The following DHRS4L2 variants were observed in gnomAD, a reference collection of about 807,000 sequenced individuals.
DHRS4L2 encodes the protein dehydrogenase/reductase SDR family member 4-like 2.
A neutral mutation model predicts 23.9 loss-of-function variants in DHRS4L2; 22 were observed. The observed-to-expected ratio is 0.92, with a 90% confidence interval of 0.66 to 1.31. DHRS4L2 has a LOEUF of 1.31. Among genes scored for constraint, DHRS4L2 ranks in the 40% most tolerant of loss-of-function variants. The pLI, the probability that DHRS4L2 is intolerant of heterozygous loss-of-function variation, is 0.00. For missense variants in DHRS4L2, 385 were observed against 303.3 expected, an observed-to-expected ratio of 1.27 and a Z score of -2.00; for synonymous variants, 141 against 123.7, an observed-to-expected ratio of 1.14 and a Z score of -0.93.
chr14:23,976,485 A>G (rs1229228211), intron 1 of DHRS4L2, among the ~76,000 whole-genome samples: 2 of 151,848 alleles, frequency 1.3e-5, no homozygotes, highest in Non-Finnish European at 2.9e-5. Context: ...GAGAAATAGG[A>G]AGGCTTTTAG....
intron 5 of DHRS4L2, 142 bp downstream of exon 5, chr14:24,001,226 C>A (rs1372483164): frequency 1.9e-6 from 3 of 1,579,234 alleles, no homozygotes; most frequent in Middle Eastern, 1.8e-4. Flanking sequence ...CTTGCCTCCA[C>A]AAACCATAAC....
intron 7 of DHRS4L2, among the ~76,000 whole-genome samples, 167 bp from the exon 8 acceptor site, chr14:24,005,719 C>T (rs1362990131): frequency 5.3e-5 from 8 of 152,034 alleles, no homozygotes; most frequent in African/African-American, 1.2e-4. Context: ...TAAATTATAA[C>T]AGCATATCCT....
chr14:24,005,948 A>C lies in DHRS4L2; in HGVS notation c.*85A>C. 6.2e-7 allele frequency: 1 copy of C among 1,611,808 alleles called. No individual in the cohort carries two copies. Among genetic ancestry groups the C allele is most frequent in the South Asian group, 1.1e-5 (1 of 90,722 alleles). On this transcript the variant is annotated 3_prime_UTR_variant, in exon 8 of 8. Transcript: ENST00000335125. The stretch of plus-strand genomic sequence containing the variant: ...TTCCTGTGCTCTGAAGATGCCAGCT[A>C]CATCACTGGGGAAACAGTGGTGGTG...
intron 1 of DHRS4L2, among the ~76,000 whole-genome samples, chr14:23,974,587 A>AATACACACT (rs2033930865): frequency 6.6e-6 from 1 of 151,858 alleles, no homozygotes; most frequent in Non-Finnish European, 1.5e-5. Flanking sequence ...ATCCCACAGA[A>AATACACACT]ATACACACTA....
intron 1 of DHRS4L2, among the ~76,000 whole-genome samples, chr14:23,972,740 C>A (rs776385672): frequency 6.6e-6 from 1 of 151,898 alleles, no homozygotes; most frequent in African/African-American, 2.4e-5. Context: ...CTCTGAATTC[C>A]CTCAGTTTTT....
At chr14:23,976,216 A>T (rs1288885898) in intron 1 of DHRS4L2, among the ~76,000 whole-genome samples, 1 of 151,866 alleles carries the variant, frequency 6.6e-6, no homozygotes, top group African/African-American at 2.4e-5. Context: ...CATCTGACAA[A>T]GGTCTAATAT....
intron 1 of DHRS4L2, among the ~76,000 whole-genome samples, chr14:23,981,086 G>A (rs1305938133): frequency 4.6e-5 from 7 of 151,750 alleles, no homozygotes; most frequent in Admixed American, 3.3e-4. Context: ...ATCTCCTTAA[G>A]CTGATAAGCA....
At chr14:23,972,740 C>T (rs776385672) in intron 1 of DHRS4L2, among the ~76,000 whole-genome samples, 5 of 151,898 alleles carry the variant, frequency 3.3e-5, no homozygotes. Flanking sequence ...CTCTGAATTC[C>T]CTCAGTTTTT....
chr14:23,976,757 T>C (rs1479274935), intron 1 of DHRS4L2, among the ~76,000 whole-genome samples: 5 of 151,870 alleles, frequency 3.3e-5, no homozygotes, highest in Non-Finnish European at 7.4e-5. Context: ...ATGTATACCA[T>C]GGAATACTAT....
intron 3 of DHRS4L2, among the ~76,000 whole-genome samples, chr14:24,000,521 T>A (rs1296637103): frequency 6.6e-6 from 1 of 151,996 alleles, no homozygotes; most frequent in Non-Finnish European, 1.5e-5. Flanking sequence ...TCCAGGAGGC[T>A]GACAATTCCA....
chr14:23,972,110 G>A (rs1017153881), intron 1 of DHRS4L2, among the ~76,000 whole-genome samples: 5 of 152,030 alleles, frequency 3.3e-5, no homozygotes, highest in African/African-American at 1.2e-4. Flanking sequence ...ACACACATAG[G>A]CCCAAAATGA....
chr14:23,989,250 C>G (rs2034215777), intron 1 of DHRS4L2, among the ~76,000 whole-genome samples, 175 bp downstream of exon 1: 1 of 142,892 alleles, frequency 7.0e-6, no homozygotes, highest in Non-Finnish European at 1.5e-5. Context: ...CCTGGCCCTC[C>G]CTTGCCAGCC....
rs2034246273 is a variant in DHRS4L2 at position 23,990,365 on chromosome 14, C to A, written c.306+6C>A. The stretch of plus-strand genomic sequence containing the variant: ...GGGAGCGGCTGGTGGCCATGGTGAG[C>A]TGCAGGGAAATGGGCACAGAGCCAG... On this transcript the variant is annotated splice_donor_region_variant and intron_variant, in intron 2 of 7. Coordinates refer to ENST00000335125, the MANE Select transcript of DHRS4L2 (RefSeq NM_198083.4). 5.0e-6 allele frequency: 8 copies of A among 1,608,060 alleles called. No individual in the cohort carries two copies. Among genetic ancestry groups the A allele is most frequent in the Non-Finnish European group, 6.8e-6 (8 of 1,177,242 alleles).
At chr14:23,998,403 TC>T (rs1278016858) in intron 3 of DHRS4L2, among the ~76,000 whole-genome samples, 2 of 151,140 alleles carry the variant, frequency 1.3e-5, no homozygotes, top group African/African-American at 2.4e-5. Flanking sequence ...ACTTCTCCTC[TC>T]TAGCTATTAA....
rs1352690107 is a variant in DHRS4L2 at position 23,993,980 on chromosome 14, A to C, written c.307-1052A>C. On this transcript the variant is annotated intron_variant, in intron 2 of 7. Coordinates refer to ENST00000335125, the MANE Select transcript of DHRS4L2 (RefSeq NM_198083.4). ...AAATCACTTCACCCCTCCCAAACAC[A>C]GAATAAGCAGGCCTCCTGTTCTTAG... Among the ~76,000 whole-genome samples, 3 of 151,666 alleles carry C rather than the reference A, an allele frequency of 2.0e-5. No individual in the cohort carries two copies. The East Asian group carries it at 5.8e-4, about 29-fold the overall frequency.
intron 1 of DHRS4L2, 118 bp downstream of exon 1, chr14:23,989,193 A>C (rs2034213812): frequency 6.8e-7 from 1 of 1,479,108 alleles, no homozygotes; most frequent in South Asian, 1.3e-5. Flanking sequence ...AAGTCTGGCC[A>C]TGGAAAAAAA....
chr14:23,995,077 G>A lies in DHRS4L2; in HGVS notation c.352G>A (p.Ala118Thr), dbSNP rs766372896. 6.2e-7 allele frequency: 1 copy of A among 1,613,048 alleles called. No individual in the cohort carries two copies. Among genetic ancestry groups the A allele is most frequent in the Non-Finnish European group, 8.5e-7 (1 of 1,179,494 alleles). Reference protein sequence around the residue: ...GGIDILVSNAAVNPFFGSLMD... With the variant: ...GGIDILVSNATVNPFFGSLMD... Reference sequence around the variant, plus strand: ...TATCGATATCCTAGTCTCCAATGCTGCTGTCAACCCTTTCTTTGGAAGCCT... The same window carrying A: ...TATCGATATCCTAGTCTCCAATGCTACTGTCAACCCTTTCTTTGGAAGCCT... Residue 118 changes from alanine to threonine, a missense_variant, in exon 3 of 8, where the codon GCT (alanine) becomes ACT (threonine). Transcript: ENST00000335125.
At chr14:23,981,008 A>C (rs60420098) in intron 1 of DHRS4L2, among the ~76,000 whole-genome samples, 6,418 of 151,584 alleles carry the variant, frequency 0.042, 365 homozygotes, top group African/African-American at 0.15. Context: ...GAAAAGAGGA[A>C]GTCAAATTGT....
At chr14:23,991,452 G>GA (rs1229562198) in intron 2 of DHRS4L2, among the ~76,000 whole-genome samples, 1 of 151,774 alleles carries the variant, frequency 6.6e-6, no homozygotes, top group Non-Finnish European at 1.5e-5. Context: ...AATGTAATGT[G>GA]AAAATCCTCC....
Sources: allele counts gnomAD v4.1 joint callset (sites outside exome capture counted in the v4.1 genomes callset), GRCh38; gene constraint gnomAD v4.1.1; transcripts MANE v1.5; gene names NCBI Gene and HGNC (gene_info 2026-07-23, HGNC 2026-07-21).